GPC3: variants seen among roughly 807,000 people sequenced by gnomAD.
GPC3 encodes glypican-3.
A neutral mutation model predicts 34.4 loss-of-function variants in GPC3; 3 were observed. The observed-to-expected ratio is 0.09, with a 90% confidence interval of 0.04 to 0.23. The LOEUF (loss-of-function observed/expected upper bound fraction) is 0.23. Among genes scored for constraint, GPC3 ranks in the 10% least tolerant of loss-of-function variants. The pLI, the probability that GPC3 is intolerant of heterozygous loss-of-function variation, is 1.00. For synonymous variants in GPC3, 177 were observed against 174.0 expected, an observed-to-expected ratio of 1.02 and a Z score of -0.13; for missense variants, 351 against 445.6, an observed-to-expected ratio of 0.79 and a Z score of 1.91.
At chrX:133,633,198 A>G (rs1051931091) in intron 6 of GPC3, among the ~76,000 whole-genome samples, 6 of 112,221 alleles carry the variant, frequency 5.3e-5, no homozygotes, top group Non-Finnish European at 7.5e-5. Flanking sequence ...ATGCCTTAGC[A>G]TTTTGTCAAT....
intron 6 of GPC3, among the ~76,000 whole-genome samples, chrX:133,650,086 C>T (rs1023264898): frequency 2.7e-5 from 3 of 112,007 alleles, no homozygotes; most frequent in African/African-American, 9.7e-5. Flanking sequence ...CACACACTCA[C>T]AAACATATTA....
intron 3 of GPC3, 48 bp from the exon 4 acceptor site, chrX:133,700,076 A>T (rs1197566672): frequency 9.8e-7 from 1 of 1,025,268 alleles, no homozygotes; most frequent in Admixed American, 2.3e-5. Flanking sequence ...TGCAGATATG[A>T]TAGTAGAAAC....
intron 7 of GPC3, among the ~76,000 whole-genome samples, chrX:133,579,708 T>C (rs1309976283): frequency 9.1e-6 from 1 of 110,173 alleles, no homozygotes; most frequent in East Asian, 2.9e-4. Flanking sequence ...CACACCCAGC[T>C]AATTTTTTGT....
chrX:133,622,996 G>T (rs915106890), intron 6 of GPC3, among the ~76,000 whole-genome samples: 36 of 112,004 alleles, frequency 3.2e-4, no homozygotes, highest in Non-Finnish European at 5.6e-4. Flanking sequence ...GAGAGTGGGG[G>T]CCAATATTCA....
chrX:133,794,211 A>C (rs2075564946), intron 2 of GPC3, among the ~76,000 whole-genome samples: 1 of 112,210 alleles, frequency 8.9e-6, no homozygotes, highest in Non-Finnish European at 1.9e-5. Flanking sequence ...TGTGGACACC[A>C]GTAAGCAATG....
At chrX:133,943,395 C>A (rs927176154) in intron 2 of GPC3, among the ~76,000 whole-genome samples, 12 of 112,275 alleles carry the variant, frequency 1.1e-4, no homozygotes, top group African/African-American at 3.9e-4. Flanking sequence ...GAATAGTCTC[C>A]AAATTTGATG....
At chrX:133,880,606 C>T (rs2076037444) in intron 2 of GPC3, among the ~76,000 whole-genome samples, 1 of 111,621 alleles carries the variant, frequency 9.0e-6, no homozygotes, top group South Asian at 3.8e-4. Context: ...TATTTGATAA[C>T]AAGGAAAAAA....
intron 7 of GPC3, among the ~76,000 whole-genome samples, chrX:133,567,434 T>C (rs1017631740): frequency 2.7e-5 from 3 of 112,205 alleles, no homozygotes; most frequent in Middle Eastern, 4.2e-3. Context: ...TCTGATAGAA[T>C]ATTAAAGAGC....
chrX:133,655,506 C>CA (rs2070652196), intron 6 of GPC3, among the ~76,000 whole-genome samples: 26 of 94,721 alleles, frequency 2.7e-4, no homozygotes, highest in Middle Eastern at 5.1e-3. Flanking sequence ...ACACACACAC[C>CA]CACACACACA....
intron 7 of GPC3, among the ~76,000 whole-genome samples, chrX:133,543,068 C>T (rs1047133515): frequency 4.5e-5 from 5 of 111,642 alleles, no homozygotes; most frequent in Non-Finnish European, 1.9e-5. Flanking sequence ...ATACTTGAGA[C>T]CTCTGGTTTT....
At chrX:133,786,879 T>A (rs2072107762) in intron 2 of GPC3, among the ~76,000 whole-genome samples, 2 of 112,040 alleles carry the variant, frequency 1.8e-5, no homozygotes, top group Admixed American at 1.9e-4. Flanking sequence ...AGCAAAATTC[T>A]GTAACACAAT....
At chrX:133,592,186 AC>A (rs1337018361) in intron 7 of GPC3, among the ~76,000 whole-genome samples, 1 of 109,212 alleles carries the variant, frequency 9.2e-6, no homozygotes, top group African/African-American at 3.3e-5. Context: ...CAGGTTTGTT[AC>A]ATATGTATAC....
chrX:133,853,128 C>T (rs944228442), intron 2 of GPC3, among the ~76,000 whole-genome samples: 2 of 111,179 alleles, frequency 1.8e-5, no homozygotes, highest in Non-Finnish European at 3.8e-5. Flanking sequence ...TTCATCTCTG[C>T]CACTTCCTAA....
At chrX:133,797,421 A>G (rs2075587601) in intron 2 of GPC3, among the ~76,000 whole-genome samples, 1 of 111,699 alleles carries the variant, frequency 9.0e-6, no homozygotes, top group African/African-American at 3.3e-5. Context: ...TGTGCCCACA[A>G]AACTACAACT....
At chrX:133,818,514 G>A (rs1226579249) in intron 2 of GPC3, among the ~76,000 whole-genome samples, 2 of 111,555 alleles carry the variant, frequency 1.8e-5, no homozygotes, top group African/African-American at 6.5e-5. Flanking sequence ...TCAGAGCACT[G>A]ATCAGCTGTG....
chrX:133,831,677 C>G (rs1168564165), intron 2 of GPC3, among the ~76,000 whole-genome samples: 1 of 111,747 alleles, frequency 8.9e-6, no homozygotes, highest in African/African-American at 3.3e-5. Flanking sequence ...TTGCGATGAG[C>G]TGAGATCGTG....
intron 2 of GPC3, among the ~76,000 whole-genome samples, chrX:133,903,150 C>CAAAA (rs61507100): frequency 0.028 from 2,488 of 88,315 alleles, 103 homozygotes; most frequent in African/African-American, 0.096. Context: ...GACTCTGTCT[C>CAAAA]AAAAAAAAAA....
At position 133,958,032 on chromosome X, in the gene GPC3, G is replaced by A. The variant is rs771262683; in HGVS notation, c.176-4821C>T. On this transcript the variant is annotated intron_variant, in intron 1 of 7. Transcript: ENST00000370818. ...AAAAATTAACTGAAGTCATTACAGG[G>A]CTGCTAGTTCCCATTTATATTGAAG... Among the ~76,000 whole-genome samples the A allele has an allele frequency of 1.8e-3, 200 of 111,614 alleles. 2 individuals carry two copies. Among genetic ancestry groups the A allele is most frequent in the African/African-American group, 5.2e-3 (160 of 30,725 alleles).
intron 6 of GPC3, among the ~76,000 whole-genome samples, chrX:133,658,396 AT>A (rs748072896): frequency 2.0e-4 from 22 of 111,818 alleles, no homozygotes; most frequent in Middle Eastern, 4.6e-3. Context: ...TCCAAGTTGG[AT>A]TTTTTTCCTA....
Sources: gnomAD v4.1 joint callset for allele counts (sites outside exome capture counted in the v4.1 genomes callset) on GRCh38, gnomAD v4.1.1 for gene constraint, MANE v1.5 for transcripts, NCBI Gene and HGNC (gene_info 2026-07-23, HGNC 2026-07-21) for gene names.